The following TMC1 variants were observed in gnomAD, a reference collection of about 807,000 sequenced individuals.
The protein encoded by TMC1 is transmembrane channel like 1, also known as transmembrane channel-like protein 1.
In TMC1, 84 loss-of-function variants were observed where a neutral mutation model predicts 105.8. The ratio of observed to expected loss-of-function variants is 0.79; its 90% CI spans 0.67 to 0.95. TMC1 has a LOEUF of 0.95. Ranked by LOEUF, TMC1 falls within the 40% of genes least tolerant of loss-of-function variation. The pLI is 0.00. For synonymous variants in TMC1, 315 were observed against 311.5 expected, an observed-to-expected ratio of 1.01 and a Z score of -0.12; for missense variants, 817 against 914.1, an observed-to-expected ratio of 0.89 and a Z score of 1.37.
intron 1 of TMC1, among the ~76,000 whole-genome samples, chr9:72,530,173 G>GTTTC (rs540936431): frequency 4.5e-4 from 68 of 151,892 alleles, no homozygotes; most frequent in Middle Eastern, 3.4e-3. Context: ...GAGCTCCATA[G>GTTTC]TTTCTTTCTT....
At chr9:72,796,978 T>C (rs1316059683) in intron 17 of TMC1, among the ~76,000 whole-genome samples, 1 of 152,044 alleles carries the variant, frequency 6.6e-6, no homozygotes, top group Non-Finnish European at 1.5e-5. Flanking sequence ...AAAACCCCAT[T>C]ACCCCGGCCC....
At chr9:72,632,033 G>A (rs955962788) in intron 4 of TMC1, among the ~76,000 whole-genome samples, 25 of 152,176 alleles carry the variant, frequency 1.6e-4, no homozygotes, top group Non-Finnish European at 2.6e-4. Context: ...CCTGAGACTG[G>A]ATAATTTATA....
rs1241322808 is a variant in TMC1 at position 72,796,053 on chromosome 9, C to T, written c.1566+3701C>T. 2.0e-5 allele frequency among the ~76,000 whole-genome samples: 3 copies of T among 151,754 alleles called. No homozygotes were observed. In the East Asian group the frequency reaches 5.8e-4, roughly 29 times the overall value. On this transcript the variant is annotated intron_variant, in intron 17 of 23. Transcript: ENST00000297784. Reference sequence around the variant, plus strand: ...ATGCAAAAAACAAAACACACACATGCACACACAAATACACTTCAAACCAAC... The same window carrying T: ...ATGCAAAAAACAAAACACACACATGTACACACAAATACACTTCAAACCAAC...
At chr9:72,765,811 TG>T (rs972236181) in intron 12 of TMC1, among the ~76,000 whole-genome samples, 2 of 152,104 alleles carry the variant, frequency 1.3e-5, no homozygotes, top group Admixed American at 1.3e-4. Context: ...GACATGCAAG[TG>T]GAGTGAGATG....
intron 23 of TMC1, among the ~76,000 whole-genome samples, chr9:72,832,920 TCTC>T (rs1829064554): frequency 6.6e-6 from 1 of 152,124 alleles, no homozygotes. Flanking sequence ...TTTGCTCTCT[TCTC>T]CTCCCCTGCA....
chr9:72,785,065 C>A (rs544220947), intron 13 of TMC1, among the ~76,000 whole-genome samples: 80 of 152,192 alleles, frequency 5.3e-4, no homozygotes, highest in African/African-American at 1.9e-3. Context: ...ATGTAAGCAA[C>A]CTGCACATGC....
chr9:72,542,670 C>T (rs1823698548), intron 1 of TMC1, among the ~76,000 whole-genome samples: 1 of 151,918 alleles, frequency 6.6e-6, no homozygotes, highest in African/African-American at 2.4e-5. Flanking sequence ...ACTGTTCAGG[C>T]CTCAGCTTTC....
At chr9:72,565,095 C>T (rs1366467302) in intron 1 of TMC1, among the ~76,000 whole-genome samples, 1 of 152,176 alleles carries the variant, frequency 6.6e-6, no homozygotes, top group African/African-American at 2.4e-5. Context: ...CAGTATTGGG[C>T]AGTTAGTGAG....
chr9:72,813,265 AAATAT>A (rs1235903951), intron 18 of TMC1, among the ~76,000 whole-genome samples: 27 of 152,170 alleles, frequency 1.8e-4, no homozygotes, highest in African/African-American at 6.0e-4. Context: ...TAAAAATTTA[AAATAT>A]AATATAACCT....
intron 17 of TMC1, among the ~76,000 whole-genome samples, chr9:72,794,949 G>T (rs1454125118): frequency 6.6e-6 from 1 of 152,160 alleles, no homozygotes; most frequent in East Asian, 1.9e-4. Flanking sequence ...GTCTCATAAG[G>T]CTGAATAACA....
chr9:72,645,125 G>GA (rs1825689128), intron 4 of TMC1, among the ~76,000 whole-genome samples: 1 of 152,048 alleles, frequency 6.6e-6, no homozygotes, highest in Non-Finnish European at 1.5e-5. Context: ...TAATTGATAG[G>GA]AAAAAAATTC....
At chr9:72,741,631 C>G (rs556563634) in intron 9 of TMC1, 1 of 155,196 alleles carries the variant, frequency 6.4e-6, no homozygotes, top group African/African-American at 2.4e-5. Context: ...GGTGGTGGTT[C>G]CACTGCAGAA....
intron 5 of TMC1, among the ~76,000 whole-genome samples, chr9:72,650,879 T>A (rs993216473): frequency 1.5e-5 from 2 of 131,868 alleles, no homozygotes; most frequent in African/African-American, 2.9e-5. Context: ...ATTTTATATA[T>A]ATAGATATAT....
intron 2 of TMC1, among the ~76,000 whole-genome samples, chr9:72,579,470 T>C (rs1198295871): frequency 6.6e-6 from 1 of 152,180 alleles, no homozygotes; most frequent in East Asian, 1.9e-4. Flanking sequence ...AAATCTCCAC[T>C]TCTAAATGGC....
chr9:72,743,368 C>CAAAAAAAAAAAAA (rs57505302), intron 10 of TMC1, among the ~76,000 whole-genome samples: 6 of 110,164 alleles, frequency 5.4e-5, no homozygotes, highest in Admixed American at 9.6e-5. Flanking sequence ...CTCCGTCTCA[C>CAAAAAAAAAAAAA]AAAAAAAAAA....
intron 2 of TMC1, among the ~76,000 whole-genome samples, chr9:72,598,020 A>G (rs1302754417): frequency 6.6e-6 from 1 of 151,926 alleles, no homozygotes; most frequent in Non-Finnish European, 1.5e-5. Flanking sequence ...AACAGTCTTC[A>G]CTGCACATTT....
At chr9:72,830,821 T>C (rs1588106256) in intron 23 of TMC1, 139 bp downstream of exon 23, 1 of 767,072 alleles carries the variant, frequency 1.3e-6, no homozygotes, top group East Asian at 2.7e-5. Flanking sequence ...ATCCTTACCT[T>C]CCACCTTTTT....
intron 8 of TMC1, among the ~76,000 whole-genome samples, chr9:72,719,247 G>C (rs1412780822): frequency 6.6e-6 from 1 of 152,152 alleles, no homozygotes; most frequent in African/African-American, 2.4e-5. Flanking sequence ...AGTTCAGCTG[G>C]AGGTTTCCTT....
chr9:72,574,732 A>G (rs1564420712), intron 1 of TMC1, among the ~76,000 whole-genome samples: 1 of 152,208 alleles, frequency 6.6e-6, no homozygotes, highest in Non-Finnish European at 1.5e-5. Context: ...GGTCATAAGA[A>G]GTAAGATGCA....
Sources: gnomAD v4.1 joint callset for allele counts (sites outside exome capture counted in the v4.1 genomes callset) on GRCh38, gnomAD v4.1.1 for gene constraint, MANE v1.5 for transcripts, NCBI Gene and HGNC (gene_info 2026-07-23, HGNC 2026-07-21) for gene names.